Variants in GLB1 observed in about 807,000 individuals in gnomAD.
GLB1 encodes beta-galactosidase.
A neutral mutation model predicts 74.0 loss-of-function variants in GLB1; 56 were observed. The ratio of observed to expected loss-of-function variants is 0.76; its 90% CI spans 0.61 to 0.94. GLB1 has a LOEUF of 0.94. Ranked by LOEUF, GLB1 falls within the 40% of genes least tolerant of loss-of-function variation. GLB1 has a pLI of 0.00. For synonymous variants in GLB1, 323 were observed against 323.6 expected, an observed-to-expected ratio of 1.00 and a Z score of 0.02; for missense variants, 787 against 845.5, an observed-to-expected ratio of 0.93 and a Z score of 0.86.
At chr3:32,984,884 G>A in the GLB1 span, among the ~76,000 whole-genome samples, 1 of 151,796 alleles carries the variant, frequency 6.6e-6, no homozygotes, top group Admixed American at 6.6e-5. Flanking sequence ...GGAGGTTGTG[G>A]TGAGCTGAGA....
intron 6 of GLB1, among the ~76,000 whole-genome samples, chr3:33,054,458 C>T (rs1699133749): frequency 6.6e-6 from 1 of 152,140 alleles, no homozygotes; most frequent in Non-Finnish European, 1.5e-5. Flanking sequence ...TGTGTTTCCC[C>T]AGGGCCTGGA....
intron 5 of GLB1, among the ~76,000 whole-genome samples, chr3:33,059,272 CACACACACACACACACACAG>C (rs1329381955): frequency 7.8e-6 from 1 of 127,578 alleles, no homozygotes; most frequent in East Asian, 2.0e-4. Context: ...CACACACACA[CACACACACACACACACACAG>C]AGCAAATAAA....
At chr3:32,989,637 C>T in the GLB1 span, among the ~76,000 whole-genome samples, 4 of 152,212 alleles carry the variant, frequency 2.6e-5, no homozygotes, top group African/African-American at 9.6e-5. Context: ...CAGACCTGAT[C>T]TGTCATGTCA....
intron 11 of GLB1, among the ~76,000 whole-genome samples, chr3:33,022,204 GGATAA>G (rs1348882208): frequency 1.3e-5 from 2 of 152,094 alleles, no homozygotes; most frequent in Non-Finnish European, 2.9e-5. Context: ...AGCTCCTTAA[GGATAA>G]GATATGTTCC....
At chr3:33,039,582 C>T (rs1223901905) in intron 10 of GLB1, among the ~76,000 whole-genome samples, 1 of 151,936 alleles carries the variant, frequency 6.6e-6, no homozygotes, top group Non-Finnish European at 1.5e-5. Flanking sequence ...AAAATATGTT[C>T]GGGGGAAAGG....
chr3:32,971,258 C>T, the GLB1 span, among the ~76,000 whole-genome samples: 1 of 152,222 alleles, frequency 6.6e-6, no homozygotes, highest in Admixed American at 6.5e-5. Flanking sequence ...ATAGGACAGA[C>T]AGCACTATTA....
chr3:33,016,730 A>G lies in GLB1; in HGVS notation c.1458T>C (p.Gly486=), dbSNP rs1697250029. 1 of 1,613,944 alleles carries G rather than the reference A, an allele frequency of 6.2e-7. No individual in the cohort carries two copies. Among genetic ancestry groups the G allele is most frequent in the Non-Finnish European group, 8.5e-7 (1 of 1,179,964 alleles). ...CTACCTTAAAATCGTTGATATATGCACCATAGTTCACACGTCCCATGTTCT... is the reference window on the plus strand; with the variant it reads ...CTACCTTAAAATCGTTGATATATGCGCCATAGTTCACACGTCCCATGTTCT... ...LVENMGRVNY[G]AYINDFKGLV... The change falls in exon 14 of 16, where the codon GGT becomes GGC. Residue 486 remains glycine (G), a synonymous_variant. Coordinates refer to ENST00000307363, the MANE Select transcript of GLB1 (RefSeq NM_000404.4).
chr3:33,056,018 A>G (rs1286274957), intron 6 of GLB1, among the ~76,000 whole-genome samples: 7 of 151,556 alleles, frequency 4.6e-5, no homozygotes, highest in Non-Finnish European at 8.8e-5. Context: ...ATGTGAGGTT[A>G]GGAGTTTGAA....
chr3:32,991,009 T>C, the GLB1 span, among the ~76,000 whole-genome samples: 5 of 152,032 alleles, frequency 3.3e-5, no homozygotes, highest in African/African-American at 1.2e-4. Flanking sequence ...TATTGCTTAG[T>C]AAAAATTAAA....
chr3:33,024,358 A>C, intron 10 of GLB1, 33 bp from the exon 11 acceptor site: 1 of 1,595,824 alleles, frequency 6.3e-7, no homozygotes, highest in Non-Finnish European at 8.5e-7. Flanking sequence ...AGAGAAAAGA[A>C]AAAAAGTTGG....
At chr3:33,075,437 A>T (rs1054131293) in intron 1 of GLB1, among the ~76,000 whole-genome samples, 1 of 152,244 alleles carries the variant, frequency 6.6e-6, no homozygotes, top group Non-Finnish European at 1.5e-5. Flanking sequence ...CTACCCTCCA[A>T]TGACCTCAGT....
At position 33,014,074 on chromosome 3, in the gene GLB1, C is replaced by T; in HGVS notation, c.1716G>A (p.Gln572=). The T allele has an allele frequency of 6.2e-7, 1 of 1,614,190 alleles. No individual in the cohort carries two copies. The highest frequency in any genetic ancestry group is 8.5e-7 in the Non-Finnish European group (1 of 1,180,048). The part of the protein sequence containing the change: ...IPDLPQDTFI[Q]FPGWTKGQVW... ...CACGTACCTTGGTCCATCCAGGAAA[C>T]TGGATAAAGGTGTCCTGGGGCAAGT... Residue 572 remains glutamine, a synonymous_variant, in exon 15 of 16, where the codon CAG becomes CAA. Coordinates refer to ENST00000307363, the MANE Select transcript of GLB1 (RefSeq NM_000404.4).
At chr3:33,092,118 C>T in intron 1 of GLB1, 1 of 985,554 alleles carries the variant, frequency 1.0e-6, no homozygotes, top group Non-Finnish European at 1.2e-6. Context: ...CCTAAGCAGC[C>T]ATGTTCTCAC....
Position 33,093,363 on chromosome 3 carries a change from T to C in GLB1, c.75+3648A>G, listed in dbSNP as rs780876833. 6.8e-6 allele frequency: 11 copies of C among 1,614,176 alleles called. No homozygotes were observed. The Admixed American group carries it at 1.3e-4, about 20-fold the overall frequency. On this transcript the variant is annotated intron_variant, in intron 1 of 15. Coordinates refer to ENST00000307363, the MANE Select transcript of GLB1 (RefSeq NM_000404.4). This position sits in a 1 kb window ranked among gnomAD's most constrained non-coding sequence, Gnocchi z 6.0. The stretch of plus-strand genomic sequence containing the variant: ...GCTGACATCTGACGTGTAGTACTCA[T>C]GATTGCCTGTGACGAAGTAGGCACC...
chr3:32,995,960 T>A (rs1299287837), downstream of GLB1, among the ~76,000 whole-genome samples: 6 of 152,206 alleles, frequency 3.9e-5, no homozygotes, highest in African/African-American at 1.4e-4. Context: ...TGAACATTTT[T>A]AAGTTATTCC....
At chr3:33,092,175 C>G (rs912558641) in intron 1 of GLB1, 16 of 985,614 alleles carry the variant, frequency 1.6e-5, no homozygotes, top group Non-Finnish European at 1.8e-5. Context: ...GACCTTGCCC[C>G]CAAAGGCCCA....
chr3:32,997,007 T>C lies in GLB1; in HGVS notation c.*38A>G. ...TGACAGGGAGGATCTGTGAGGTATG[T>C]TCAGGGTAGAATCCCTCAAAGACAC... On this transcript the variant is annotated 3_prime_UTR_variant, in exon 16 of 16. Transcript: ENST00000307363. 1.2e-6 allele frequency: 2 copies of C among 1,614,036 alleles called. No individual in the cohort carries two copies. Among genetic ancestry groups the C allele is most frequent in the Non-Finnish European group, 1.7e-6 (2 of 1,179,978 alleles).
At chr3:33,049,609 G>C (rs185711034) in intron 9 of GLB1, among the ~76,000 whole-genome samples, 1 of 152,066 alleles carries the variant, frequency 6.6e-6, no homozygotes, top group African/African-American at 2.4e-5. Context: ...GTAGAGACAA[G>C]GTTTCACCAT....
At chr3:33,084,550 A>T (rs1461320440) in intron 1 of GLB1, among the ~76,000 whole-genome samples, 1 of 152,152 alleles carries the variant, frequency 6.6e-6, no homozygotes, top group Admixed American at 6.5e-5. Flanking sequence ...TGCCAAAAAC[A>T]TTTTTGTTCA....
Sources: allele counts gnomAD v4.1 joint callset (sites outside exome capture counted in the v4.1 genomes callset), GRCh38; gene constraint gnomAD v4.1.1; non-coding constraint Gnocchi (gnomAD v3.1); transcripts MANE v1.5; gene names NCBI Gene and HGNC (gene_info 2026-07-23, HGNC 2026-07-21).